The following MGMT variants were observed in gnomAD, a reference collection of about 807,000 sequenced individuals.
The protein encoded by MGMT is methylated-DNA--protein-cysteine methyltransferase.
Under a neutral mutation model 15.9 loss-of-function variants are expected in MGMT, and 14 were observed. The observed-to-expected ratio is 0.88, with a 90% CI of 0.58 to 1.37. The LOEUF (loss-of-function observed/expected upper bound fraction) is 1.37, where lower values mean the gene tolerates loss of function less well. Ranked by LOEUF, MGMT falls within the 40% of genes most tolerant of loss-of-function variation. The probability of loss-of-function intolerance (pLI) is 0.00; values close to 1 mark genes in which losing one functional copy is unlikely to be tolerated. For synonymous variants in MGMT, 130 were observed against 118.2 expected (o/e 1.10, Z -0.65); for missense variants, 282 against 268.1 (o/e 1.05, Z -0.36).
At chr10:129,621,033 G>C (rs1460620336) in intron 2 of MGMT, among the ~76,000 whole-genome samples, 1 of 152,164 alleles carries the variant, frequency 6.6e-6, no homozygotes, top group African/African-American at 2.4e-5. Flanking sequence ...ACACTGTCCA[G>C]TATGGCAGGC....
chr10:129,469,594 T>C (rs1242049618), intron 1 of MGMT, among the ~76,000 whole-genome samples: 1 of 152,148 alleles, frequency 6.6e-6, no homozygotes, highest in Non-Finnish European at 1.5e-5. Context: ...CAGGGCCCTG[T>C]GCTCATTCGG....
At chr10:129,589,657 CT>C (rs1413464852) in intron 2 of MGMT, among the ~76,000 whole-genome samples, 4 of 152,344 alleles carry the variant, frequency 2.6e-5, no homozygotes, top group African/African-American at 9.6e-5. Context: ...TAGTGACCCC[CT>C]ATGGCCTGCG....
intron 2 of MGMT, among the ~76,000 whole-genome samples, chr10:129,635,995 A>G (rs1190287730): frequency 6.6e-6 from 1 of 152,246 alleles, no homozygotes; most frequent in Non-Finnish European, 1.5e-5. Context: ...TTTTTAGTTT[A>G]AAATATGCAT....
intron 2 of MGMT, among the ~76,000 whole-genome samples, chr10:129,656,894 G>T (rs1183184034): frequency 2.0e-5 from 3 of 152,202 alleles, no homozygotes; most frequent in Admixed American, 6.5e-5. Flanking sequence ...CTCCTTTCAT[G>T]CTGGGAGGAG....
rs1285696361 is a variant in MGMT, at chr10:129,566,043, G to A, written c.125+29666G>A. 6.6e-6 allele frequency among the ~76,000 whole-genome samples: 1 copy of A among 152,202 alleles called. No individual in the cohort carries two copies. Among genetic ancestry groups the A allele is most frequent in the Non-Finnish European group, 1.5e-5 (1 of 68,038 alleles). ...TTCAGGTTCGTAGGCCACTCTTGCA[G>A]CTCTGTTCCTTCTTCAGCTCCTCTG... On this transcript the variant is annotated intron_variant, in intron 2 of 4. Transcript: ENST00000651593. The surrounding 1 kb of genome is among the most constrained non-coding windows in gnomAD (Gnocchi z 4.1).
At chr10:129,710,210 T>G (rs1426198523) in intron 3 of MGMT, among the ~76,000 whole-genome samples, 1 of 152,118 alleles carries the variant, frequency 6.6e-6, no homozygotes, top group East Asian at 1.9e-4. Flanking sequence ...GCCAGGATAC[T>G]GGTAAAGGCT....
intron 2 of MGMT, among the ~76,000 whole-genome samples, chr10:129,667,498 A>T (rs1328956157): frequency 6.6e-6 from 1 of 151,960 alleles, no homozygotes; most frequent in African/African-American, 2.4e-5. Context: ...CTTCATGTGA[A>T]TTTATCACAG....
intron 2 of MGMT, among the ~76,000 whole-genome samples, chr10:129,573,786 AT>A (rs1392892543): frequency 6.6e-6 from 1 of 151,810 alleles, no homozygotes; most frequent in African/African-American, 2.4e-5. Flanking sequence ...CCTTGACCAT[AT>A]TTTTTTTGGT....
At chr10:129,499,333 G>GT (rs1845553169) in intron 1 of MGMT, among the ~76,000 whole-genome samples, 1 of 152,098 alleles carries the variant, frequency 6.6e-6, no homozygotes, top group Non-Finnish European at 1.5e-5. Flanking sequence ...TACTTATTTC[G>GT]TTACTCAGCT....
At chr10:129,580,371 A>G (rs1846538100) in intron 2 of MGMT, among the ~76,000 whole-genome samples, 1 of 152,180 alleles carries the variant, frequency 6.6e-6, no homozygotes, top group Non-Finnish European at 1.5e-5. Context: ...ACGATTAGGC[A>G]CCACAGTAGA....
chr10:129,656,254 C>A (rs75116201), intron 2 of MGMT, among the ~76,000 whole-genome samples: 2,991 of 152,328 alleles, frequency 0.02, 36 homozygotes, highest in Middle Eastern at 0.058. Context: ...ACATCCATGG[C>A]ATGAGGGCAG....
chr10:129,579,917 C>T (rs569282658), intron 2 of MGMT, among the ~76,000 whole-genome samples: 2 of 152,290 alleles, frequency 1.3e-5, no homozygotes, highest in East Asian at 3.9e-4. Flanking sequence ...TTTCTGGTCC[C>T]AGAGAGGGCA....
At chr10:129,558,595 G>A (rs1197961770) in intron 2 of MGMT, among the ~76,000 whole-genome samples, 1 of 152,088 alleles carries the variant, frequency 6.6e-6, no homozygotes, top group African/African-American at 2.4e-5. Context: ...TAAAATGGAA[G>A]GCTAGCTTCC....
At chr10:129,579,821 A>G (rs1846531410) in intron 2 of MGMT, among the ~76,000 whole-genome samples, 1 of 152,160 alleles carries the variant, frequency 6.6e-6, no homozygotes. Flanking sequence ...TGATTTTGGG[A>G]AAGTTGACCT....
chr10:129,574,881 C>T (rs749855545), intron 2 of MGMT, among the ~76,000 whole-genome samples: 1 of 152,132 alleles, frequency 6.6e-6, no homozygotes, highest in Non-Finnish European at 1.5e-5. Flanking sequence ...TCTCTTACAT[C>T]TAATATTCTC....
chr10:129,535,740 C>T (rs540244166), intron 1 of MGMT, among the ~76,000 whole-genome samples: 1 of 152,322 alleles, frequency 6.6e-6, no homozygotes, highest in South Asian at 2.1e-4. Flanking sequence ...CGGGCTGGCT[C>T]CTAACACAGG....
intron 1 of MGMT, among the ~76,000 whole-genome samples, chr10:129,474,532 A>G (rs1468294391): frequency 6.6e-6 from 1 of 152,168 alleles, no homozygotes; most frequent in Non-Finnish European, 1.5e-5. Context: ...GGAAGGGTAG[A>G]CAGGCCGCCC....
intron 1 of MGMT, among the ~76,000 whole-genome samples, chr10:129,509,491 T>C (rs1845659567): frequency 6.6e-6 from 1 of 152,204 alleles, no homozygotes; most frequent in South Asian, 2.1e-4. Context: ...GTGTGTTTTA[T>C]CAAGTGGAAA....
chr10:129,707,874 C>T, intron 2 of MGMT, 21 bp from the exon 3 acceptor site: 2 of 1,609,518 alleles, frequency 1.2e-6, no homozygotes, highest in Non-Finnish European at 1.7e-6. Flanking sequence ...GTTTACTAAG[C>T]CCCTGTTCTC....
Sources: allele counts gnomAD v4.1 joint callset (sites outside exome capture counted in the v4.1 genomes callset), GRCh38; gene constraint gnomAD v4.1.1; non-coding constraint Gnocchi (gnomAD v3.1); transcripts MANE v1.5; gene names NCBI Gene and HGNC (gene_info 2026-07-23, HGNC 2026-07-21).